STPG2: variants seen among roughly 807,000 people sequenced by gnomAD.
The protein encoded by STPG2 is sperm-tail PG-rich repeat-containing protein 2.
STPG2 carries 56 observed loss-of-function variants against 54.2 expected under a neutral mutation model. The ratio of observed to expected loss-of-function variants is 1.03; its 90% CI spans 0.83 to 1.29. The LOEUF is 1.29. Ranked by LOEUF, STPG2 falls within the 50% of genes most tolerant of loss-of-function variation. The probability of loss-of-function intolerance (pLI) is 0.00; values close to 1 mark genes in which losing one functional copy is unlikely to be tolerated. For synonymous variants in STPG2, 200 were observed against 181.8 expected, an observed-to-expected ratio of 1.10 and a Z score of -0.81; for missense variants, 596 against 544.9, an observed-to-expected ratio of 1.09 and a Z score of -0.93.
At chr4:97,451,734 T>C (rs769593900) in intron 4 of STPG2, among the ~76,000 whole-genome samples, 1 of 152,194 alleles carries the variant, frequency 6.6e-6, no homozygotes, top group African/African-American at 2.4e-5. Context: ...AAATTATGAA[T>C]AAAATATAGT....
At chr4:98,009,609 C>T (rs554710680) in intron 5 of STPG2, among the ~76,000 whole-genome samples, 6 of 151,810 alleles carry the variant, frequency 4.0e-5, no homozygotes, top group African/African-American at 1.4e-4. Context: ...GCCTAAAGTA[C>T]AGTTCAAATC....
chr4:98,103,268 A>C (rs1033711212), intron 5 of STPG2, among the ~76,000 whole-genome samples: 2 of 152,122 alleles, frequency 1.3e-5, no homozygotes, highest in African/African-American at 4.8e-5. Flanking sequence ...CTAAATGTAC[A>C]TACACTTATT....
rs532146737 is a variant in STPG2, at chr4:97,986,659, A to T, written c.613-5341T>A. Among the ~76,000 whole-genome samples the T allele has an allele frequency of 2.0e-5, 3 of 152,336 alleles. No individual in the cohort carries two copies. The East Asian group carries it at 5.8e-4, about 29-fold the overall frequency. The stretch of plus-strand genomic sequence containing the variant: ...TATATGCAAATTTGCTTAATAGAAA[A>T]TGTTTAATAGATGGTTCTATTCAAA... On this transcript the variant is annotated intron_variant, in intron 5 of 10. Transcript: ENST00000295268.
chr4:97,851,858 A>C (rs2149131613), intron 8 of STPG2, among the ~76,000 whole-genome samples: 1 of 152,336 alleles, frequency 6.6e-6, no homozygotes, highest in South Asian at 2.1e-4. Context: ...CAGCATATTA[A>C]AGTAAAATAC....
At chr4:97,794,806 A>G (rs2149083603) in intron 9 of STPG2, among the ~76,000 whole-genome samples, 1 of 152,306 alleles carries the variant, frequency 6.6e-6, no homozygotes, top group South Asian at 2.1e-4. Flanking sequence ...TGGCTCTACA[A>G]AATTAGACGT....
intron 9 of STPG2, among the ~76,000 whole-genome samples, chr4:97,797,212 T>G (rs1727220402): frequency 6.6e-6 from 1 of 152,188 alleles, no homozygotes; most frequent in Admixed American, 6.5e-5. Flanking sequence ...TGGCCAGAAC[T>G]TCCAACACTA....
intron 9 of STPG2, among the ~76,000 whole-genome samples, chr4:97,748,371 G>C (rs918945184): frequency 1.3e-5 from 2 of 151,514 alleles, no homozygotes; most frequent in Non-Finnish European, 3.0e-5. Flanking sequence ...CCAGATATTA[G>C]AACTATAAGT....
chr4:97,501,245 T>A (rs756708758), intron 4 of STPG2, among the ~76,000 whole-genome samples: 1 of 151,990 alleles, frequency 6.6e-6, no homozygotes, highest in Non-Finnish European at 1.5e-5. Flanking sequence ...GTGGAAAATG[T>A]GTCTAGGATA....
intron 3 of STPG2, among the ~76,000 whole-genome samples, chr4:98,126,077 T>C (rs1739821522): frequency 6.6e-6 from 1 of 152,118 alleles, no homozygotes; most frequent in African/African-American, 2.4e-5. Context: ...GGGAACTCAG[T>C]CATCTTAGGC....
chr4:97,590,053 T>C (rs75948885), intron 10 of STPG2, among the ~76,000 whole-genome samples: 3,894 of 152,264 alleles, frequency 0.026, 157 homozygotes, highest in African/African-American at 0.087. Context: ...TAGCATCAGA[T>C]CATATTTAGC....
At chr4:98,118,628 T>C (rs1013150436) in intron 3 of STPG2, among the ~76,000 whole-genome samples, 5 of 152,156 alleles carry the variant, frequency 3.3e-5, no homozygotes, top group African/African-American at 1.2e-4. Flanking sequence ...CCAGTAACAA[T>C]GCATGTACCT....
chr4:97,974,107 A>G (rs1560617833), intron 6 of STPG2, among the ~76,000 whole-genome samples: 1 of 152,146 alleles, frequency 6.6e-6, no homozygotes, highest in Non-Finnish European at 1.5e-5. Flanking sequence ...GTGGGAACCT[A>G]CCTCTTGCAT....
intron 4 of STPG2, among the ~76,000 whole-genome samples, chr4:97,448,787 T>C (rs1469093802): frequency 6.6e-6 from 1 of 152,196 alleles, no homozygotes; most frequent in Non-Finnish European, 1.5e-5. Context: ...GTTTGGCTTT[T>C]TGTTCTAGAG....
At chr4:97,455,386 C>T (rs1159611563) in intron 4 of STPG2, among the ~76,000 whole-genome samples, 2 of 151,992 alleles carry the variant, frequency 1.3e-5, no homozygotes, top group Middle Eastern at 3.2e-3. Flanking sequence ...ATAAAAACCC[C>T]GAGACCCTAG....
intron 10 of STPG2, among the ~76,000 whole-genome samples, chr4:97,631,906 G>A (rs902015854): frequency 6.6e-6 from 1 of 151,974 alleles, no homozygotes; most frequent in African/African-American, 2.4e-5. Context: ...AATAAGAAAA[G>A]ATAGATTAAA....
chr4:97,607,311 CT>C (rs1333419533), intron 10 of STPG2, among the ~76,000 whole-genome samples: 3 of 151,966 alleles, frequency 2.0e-5, no homozygotes, highest in Admixed American at 6.6e-5. Context: ...CAATTTCTCT[CT>C]CTTTCATTAG....
chr4:97,832,791 T>A (rs979060182), intron 9 of STPG2, among the ~76,000 whole-genome samples: 9 of 152,092 alleles, frequency 5.9e-5, no homozygotes, highest in African/African-American at 1.9e-4. Context: ...TATCTAGGAA[T>A]ACAACTGACA....
At chr4:98,078,039 TA>T (rs34003410) in intron 5 of STPG2, among the ~76,000 whole-genome samples, 60,124 of 151,872 alleles carry the variant, frequency 0.4, 12,147 homozygotes, top group Middle Eastern at 0.46. Context: ...ATATGATCCT[TA>T]AAAAAATGTT....
chr4:98,047,371 C>T (rs1040392391), intron 5 of STPG2, among the ~76,000 whole-genome samples: 4 of 152,026 alleles, frequency 2.6e-5, no homozygotes, highest in Non-Finnish European at 4.4e-5. Flanking sequence ...AGAGGTCTAC[C>T]TGTTTCATCA....
Sources: allele counts gnomAD v4.1 joint callset (sites outside exome capture counted in the v4.1 genomes callset), GRCh38; gene constraint gnomAD v4.1.1; transcripts MANE v1.5; gene names NCBI Gene and HGNC (gene_info 2026-07-23, HGNC 2026-07-21).